Variants in PIGA observed in about 807,000 individuals in gnomAD.
PIGA encodes phosphatidylinositol N-acetylglucosaminyltransferase subunit A.
Under a neutral mutation model 17.1 loss-of-function variants are expected in PIGA, and 3 were observed. The observed-to-expected ratio is 0.18, with a 90% CI of 0.08 to 0.45. PIGA has a LOEUF of 0.45. Among genes scored for constraint, PIGA ranks in the 20% least tolerant of loss-of-function variants. The probability of loss-of-function intolerance (pLI) is 0.99; values close to 1 mark genes in which losing one functional copy is unlikely to be tolerated. For synonymous variants in PIGA, 126 were observed against 135.1 expected, an observed-to-expected ratio of 0.93 and a Z score of 0.47; for missense variants, 231 against 374.1, an observed-to-expected ratio of 0.62 and a Z score of 3.16.
At chrX:15,330,924 T>A (rs1602211776) in intron 2 of PIGA, 1 of 202,494 alleles carries the variant, frequency 4.9e-6, no homozygotes, top group African/African-American at 3.0e-5. Flanking sequence ...CTTTACCACA[T>A]GTGCAGGGCT....
chrX:15,330,332 TA>T (rs1351027213), intron 2 of PIGA, among the ~76,000 whole-genome samples: 1 of 111,971 alleles, frequency 8.9e-6, no homozygotes, highest in Non-Finnish European at 1.9e-5. Flanking sequence ...AATATGTTAC[TA>T]ATGTCTTATA....
intron 2 of PIGA, 59 bp from the exon 3 acceptor site, chrX:15,326,105 AG>A: frequency 1.3e-6 from 1 of 762,811 alleles, no homozygotes; most frequent in Non-Finnish European, 1.9e-6. Flanking sequence ...AAAATTCACC[AG>A]AACGACTGAG....
chrX:15,322,661 G>A (rs1921851866), intron 5 of PIGA, among the ~76,000 whole-genome samples: 2 of 111,929 alleles, frequency 1.8e-5, no homozygotes, highest in African/African-American at 6.5e-5. Context: ...AACATGCAGT[G>A]CATGTTGTAC....
Position 15,325,167 on chromosome X carries a change from G to A in PIGA, c.849-15C>T. The A allele has an allele frequency of 1.7e-6, 2 of 1,167,722 alleles. No homozygotes were observed. Among genetic ancestry groups the A allele is most frequent in the Non-Finnish European group, 1.1e-6 (1 of 873,535 alleles). On this transcript the variant is annotated splice_polypyrimidine_tract_variant and intron_variant, in intron 3 of 5. Coordinates refer to ENST00000333590, the MANE Select transcript of PIGA (RefSeq NM_002641.4). ...AAAGACGCACCCTGATTTTTTAAAT[G>A]AGAGGGGAAGAAAGGAGTGAAAACT...
chrX:15,329,101 C>T (rs1922072869), intron 2 of PIGA: 1 of 112,258 alleles, frequency 8.9e-6, no homozygotes, highest in Non-Finnish European at 1.9e-5. Flanking sequence ...CAAACGTAAA[C>T]TGACCAAGGC....
chrX:15,325,729 T>C, intron 3 of PIGA, 185 bp downstream of exon 3: 1 of 302,096 alleles, frequency 3.3e-6, no homozygotes, highest in Middle Eastern at 9.3e-4. Flanking sequence ...GAAAAAATAG[T>C]GAATTAACTA....
rs1429894673 is a variant in PIGA, at chrX:15,331,207, T to C, written c.715+9A>G. ...GTCTACAATGCAATTATAGCTATCA[T>C]TTCATTACCTTTTCTGTAAACAAGT... On this transcript the variant is annotated intron_variant, in intron 2 of 5. Transcript: ENST00000333590. 8.6e-7 allele frequency: 1 copy of C among 1,160,504 alleles called. No homozygotes were observed.
At position 15,320,799 on chromosome X, in the gene PIGA, G is replaced by A. The variant is rs1034154686; in HGVS notation, c.*707C>T. The A allele has an allele frequency of 1.8e-5, 2 of 111,750 alleles. No individual in the cohort carries two copies. Among genetic ancestry groups the A allele is most frequent in the Non-Finnish European group, 3.8e-5 (2 of 53,166 alleles). The allele number at this position is 111,750 out of a possible 1,213,427, so 9.2% of individuals were successfully genotyped here. A position where few individuals can be genotyped will look rare whatever the true frequency, so the allele number is the denominator to read the frequency against. ...TTTTTCCTGGCATTAACTGGCATGA[G>A]CATTTTTGGCATGTTGGATATTGAT... is the stretch of plus-strand genomic sequence containing the variant. On this transcript the variant is annotated 3_prime_UTR_variant, in exon 6 of 6. Transcript: ENST00000333590.
At chrX:15,330,176 C>A (rs561138542) in intron 2 of PIGA, among the ~76,000 whole-genome samples, 1 of 111,746 alleles carries the variant, frequency 8.9e-6, no homozygotes, top group Admixed American at 9.4e-5. Flanking sequence ...TGAACCCTTG[C>A]GAGGTTCCCA....
chrX:15,323,558 A>G (rs758741668), intron 5 of PIGA, among the ~76,000 whole-genome samples: 1 of 111,653 alleles, frequency 9.0e-6, no homozygotes, highest in East Asian at 2.8e-4. Context: ...CAAGACTTGT[A>G]GAAGGTCAGA....
intron 5 of PIGA, among the ~76,000 whole-genome samples, chrX:15,322,338 G>A (rs894151932): frequency 3.6e-5 from 4 of 112,009 alleles, no homozygotes; most frequent in African/African-American, 9.7e-5. Flanking sequence ...AGCATGGATG[G>A]TGAGGACATG....
In PIGA at chrX:15,326,014, G is replaced by C. The variant is rs753672974; in HGVS notation, c.748C>G (p.Leu250Val). The C allele has an allele frequency of 5.2e-6, 6 of 1,162,419 alleles. No individual in the cohort carries two copies. Among genetic ancestry groups the C allele is most frequent in the African/African-American group, 3.6e-5 (2 of 56,140 alleles). Residue 250 changes from leucine (L) to valine (V), a missense_variant, in exon 3 of 6, where the codon CTC becomes GTC. By Grantham distance (32) the Leu-to-Val change is conservative. This residue lies in a region of PIGA where 83 missense variants were observed against 190.1 expected (regional missense o/e 0.44). Transcript: ENST00000333590. ...TTTAAATCTGGATATTTCTGACAGA[G>C]TTCAGGTATTATACCACTAAGCAAA... Reference protein sequence around the residue: ...IDLLSGIIPELCQKYPDLNFI... With the variant: ...IDLLSGIIPEVCQKYPDLNFI...
chrX:15,332,988 G>T (rs1461619280), intron 1 of PIGA, among the ~76,000 whole-genome samples: 1 of 111,747 alleles, frequency 8.9e-6, no homozygotes, highest in Non-Finnish European at 1.9e-5. Flanking sequence ...ATCGTCTTGG[G>T]GTGGTTTGGT....
At position 15,324,739 on chromosome X, in the gene PIGA, G is replaced by A; in HGVS notation, c.1114C>T (p.Pro372Ser). The change falls in exon 5 of 6, where the codon CCA becomes TCA. Residue 372 changes from proline to serine, a missense_variant. Coordinates refer to ENST00000333590, the MANE Select transcript of PIGA (RefSeq NM_002641.4). ...ATGTTATGGATGTTTTCTGGAGCTG[G>A]CAATGTCCCTGACTTCAGTTGGAAA... The part of the protein sequence containing the change: ...AIFQLKSGTL[P>S]APENIHNIVK... 8.3e-7 allele frequency: 1 copy of A among 1,206,464 alleles called. No individual in the cohort carries two copies. The highest frequency in any genetic ancestry group is 1.1e-6 in the Non-Finnish European group (1 of 890,804).
chrX:15,329,810 T>C (rs1198260617), intron 2 of PIGA, among the ~76,000 whole-genome samples: 2 of 111,541 alleles, frequency 1.8e-5, no homozygotes, highest in Non-Finnish European at 3.8e-5. Context: ...CTTGGCCAGG[T>C]GCAGTGGCTC....
At position 15,324,661 on chromosome X, in the gene PIGA, A is replaced by G. The variant is rs751261624; in HGVS notation, c.1188+4T>C. The G allele has an allele frequency of 1.9e-5, 22 of 1,167,599 alleles. No homozygotes were observed. Among genetic ancestry groups the G allele is most frequent in the Non-Finnish European group, 2.5e-5 (21 of 855,585 alleles). On this transcript the variant is annotated splice_donor_region_variant and intron_variant, in intron 5 of 5. Coordinates refer to ENST00000333590, the MANE Select transcript of PIGA (RefSeq NM_002641.4). ...ACACAATCTTTTCTCAGCATGTGAC[A>G]TACCTTTTCAGTTCTTTCTGCAACA...
At chrX:15,322,383 T>C (rs1299997488) in intron 5 of PIGA, among the ~76,000 whole-genome samples, 1 of 111,760 alleles carries the variant, frequency 8.9e-6, no homozygotes, top group Non-Finnish European at 1.9e-5. Flanking sequence ...TAAAAGAAGA[T>C]AAAGAGATGG....
intron 5 of PIGA, 64 bp from the exon 6 acceptor site, chrX:15,321,836 A>G (rs1188679389): frequency 2.0e-6 from 2 of 1,008,611 alleles, no homozygotes; most frequent in Non-Finnish European, 2.7e-6. Flanking sequence ...TCCCATGATA[A>G]ACAATGACCC....
chrX:15,329,718 G>C (rs1264456874), intron 2 of PIGA, among the ~76,000 whole-genome samples: 4 of 111,404 alleles, frequency 3.6e-5, no homozygotes, highest in Non-Finnish European at 5.7e-5. Flanking sequence ...TAACCAGACT[G>C]TGTCAGACTT....
Sources: allele counts gnomAD v4.1 joint callset (sites outside exome capture counted in the v4.1 genomes callset), GRCh38; gene constraint gnomAD v4.1.1; regional missense constraint gnomAD v4.1.1; transcripts MANE v1.5; gene names NCBI Gene and HGNC (gene_info 2026-07-23, HGNC 2026-07-21).